The following RAB11FIP3 variants were observed in gnomAD, a reference collection of about 807,000 sequenced individuals.
RAB11FIP3 encodes RAB11 family interacting protein 3, also known as rab11 family-interacting protein 3.
A neutral mutation model predicts 77.8 loss-of-function variants in RAB11FIP3; 17 were observed. The observed-to-expected ratio is 0.22, with a 90% confidence interval of 0.15 to 0.33. RAB11FIP3 has a LOEUF of 0.33. Among genes scored for constraint, RAB11FIP3 ranks in the 10% least tolerant of loss-of-function variants. The probability of loss-of-function intolerance (pLI) is 1.00; values close to 1 mark genes in which losing one functional copy is unlikely to be tolerated. For missense variants in RAB11FIP3, 1,005 were observed against 1,011.2 expected (o/e 0.99, Z 0.08); for synonymous variants, 437 against 448.2 (o/e 0.98, Z 0.31).
intron 1 of RAB11FIP3, among the ~76,000 whole-genome samples, chr16:445,006 C>T (rs528980490): frequency 1.4e-5 from 2 of 145,698 alleles, no homozygotes; most frequent in African/African-American, 2.6e-5. Context: ...CCCAGCTACT[C>T]GGGAGGCTGA....
chr16:506,092 G>A lies in RAB11FIP3; in HGVS notation c.1499+465G>A, dbSNP rs905152428. Among the ~76,000 whole-genome samples, 5 of 152,240 alleles carry A rather than the reference G, an allele frequency of 3.3e-5. No individual in the cohort carries two copies. Among genetic ancestry groups the A allele is most frequent in the East Asian group, 3.8e-4 (2 of 5,204 alleles). ...GTGACTGCTGAGTACGCGACAGGAC[G>A]CGCAGTCTCATCGCTGTGGGCAGGA... On this transcript the variant is annotated intron_variant, in intron 8 of 13. Transcript: ENST00000262305. The surrounding 1 kb of genome is among the most constrained non-coding windows in gnomAD (Gnocchi z 4.5).
intron 7 of RAB11FIP3, among the ~76,000 whole-genome samples, chr16:503,730 G>C (rs934695899): frequency 6.6e-6 from 1 of 151,964 alleles, no homozygotes; most frequent in Non-Finnish European, 1.5e-5. Flanking sequence ...AAATACAAAA[G>C]TTAGCCACGC....
Position 514,167 on chromosome 16 carries a change from C to T in RAB11FIP3, c.1640+3367C>T, listed in dbSNP as rs774985489. Among the ~76,000 whole-genome samples, 8 of 152,106 alleles carry T rather than the reference C, an allele frequency of 5.3e-5. No individual in the cohort carries two copies. Among genetic ancestry groups the T allele is most frequent in the Non-Finnish European group, 1.0e-4 (7 of 68,038 alleles). ...GTCAGTGCCACCGTGTTCTGGGCCT[C>T]CTGCAGCTTCCTGGAGTGGCCACCA... On this transcript the variant is annotated intron_variant, in intron 9 of 13. Coordinates refer to ENST00000262305, the MANE Select transcript of RAB11FIP3 (RefSeq NM_014700.4). This position sits in a 1 kb window ranked among gnomAD's most constrained non-coding sequence, Gnocchi z 4.6.
At chr16:467,393 C>T (rs1351592343) in intron 2 of RAB11FIP3, among the ~76,000 whole-genome samples, 2 of 150,672 alleles carry the variant, frequency 1.3e-5, no homozygotes, top group Non-Finnish European at 2.9e-5. Context: ...GTGGAGTGGG[C>T]GTCAGGGAGG....
chr16:489,329 G>A (rs2029963514), intron 5 of RAB11FIP3, among the ~76,000 whole-genome samples: 1 of 152,200 alleles, frequency 6.6e-6, no homozygotes, highest in Non-Finnish European at 1.5e-5. Context: ...AGGCTTTTGA[G>A]GGAGGCCTCA....
chr16:438,353 A>T (rs1246287004), intron 1 of RAB11FIP3, among the ~76,000 whole-genome samples: 1 of 141,112 alleles, frequency 7.1e-6, no homozygotes, highest in Non-Finnish European at 1.5e-5. Flanking sequence ...TGATCTGCCC[A>T]CCTCGGCCTC....
chr16:436,703 C>T (rs1368351221), intron 1 of RAB11FIP3, among the ~76,000 whole-genome samples: 2 of 151,984 alleles, frequency 1.3e-5, no homozygotes, highest in African/African-American at 4.8e-5. Context: ...CTGCTAAGCT[C>T]AAAGGATCTG....
At chr16:487,965 G>T (rs1417818098) in intron 4 of RAB11FIP3, among the ~76,000 whole-genome samples, 1 of 152,200 alleles carries the variant, frequency 6.6e-6, no homozygotes, top group Non-Finnish European at 1.5e-5. Context: ...GCTTTGTGTC[G>T]ACCTGTGCTG....
Position 520,229 on chromosome 16 carries a change from C to T in RAB11FIP3, c.1968C>T (p.Ser656=), listed in dbSNP as rs2032618303. The T allele has an allele frequency of 1.3e-6, 2 of 1,545,736 alleles. No homozygotes were observed. Residue 656 remains serine, a synonymous_variant, in exon 12 of 14, where the codon AGC becomes AGT. Coordinates refer to ENST00000262305, the MANE Select transcript of RAB11FIP3 (RefSeq NM_014700.4). ...GCATGGGCCTGCAGGAGTACCACAG[C>T]CGCGCCCGGGAGAGCGAGCTGGAGC... The part of the protein sequence containing the change: ...SSSMGLQEYH[S]RARESELEQE...
At chr16:509,096 G>T (rs1398381398) in intron 8 of RAB11FIP3, among the ~76,000 whole-genome samples, 3 of 152,038 alleles carry the variant, frequency 2.0e-5, no homozygotes, top group South Asian at 2.1e-4. Context: ...TAGATTCAGG[G>T]TTTCACCATA....
In RAB11FIP3 at chr16:503,441, C is replaced by T. The variant is rs556741213; in HGVS notation, c.1395+344C>T. Among the ~76,000 whole-genome samples the T allele has an allele frequency of 2.4e-3, 360 of 152,224 alleles. 7 individuals are homozygous for T. Among genetic ancestry groups the T allele is most frequent in the African/African-American group, 8.3e-3 (345 of 41,526 alleles). ...ATTCAGTCCACCAGGCCCATGGAGACGCGACCTGGGGCACCCATGATTTGG... is the reference window on the plus strand; with the variant it reads ...ATTCAGTCCACCAGGCCCATGGAGATGCGACCTGGGGCACCCATGATTTGG... On this transcript the variant is annotated intron_variant, in intron 7 of 13. Coordinates refer to ENST00000262305, the MANE Select transcript of RAB11FIP3 (RefSeq NM_014700.4).
At chr16:441,524 G>A (rs1310862108) in intron 1 of RAB11FIP3, among the ~76,000 whole-genome samples, 3 of 152,186 alleles carry the variant, frequency 2.0e-5, no homozygotes, top group Non-Finnish European at 2.9e-5. Context: ...ATTATTTGAA[G>A]TATCCTGTAA....
At chr16:475,865 A>T (rs549152654) in intron 3 of RAB11FIP3, among the ~76,000 whole-genome samples, 1,551 of 151,558 alleles carry the variant, frequency 0.01, 33 homozygotes, top group African/African-American at 0.036. Flanking sequence ...TATTTTTTAA[A>T]TTGTTTTTTG....
At chr16:429,125 G>C (rs923048823) in intron 1 of RAB11FIP3, among the ~76,000 whole-genome samples, 2 of 152,244 alleles carry the variant, frequency 1.3e-5, no homozygotes, top group African/African-American at 4.8e-5. Context: ...TTTGGCAACA[G>C]ATAATTTACA....
In RAB11FIP3 at chr16:523,002, A is replaced by G. The variant is rs1482730911; in HGVS notation, c.*2163A>G. Reference sequence around the variant, plus strand: ...AGGCCCCATCTCTAAAAAATAAAAAATTAACCAGGCATTGTGGTGCGCACC... The same window carrying G: ...AGGCCCCATCTCTAAAAAATAAAAAGTTAACCAGGCATTGTGGTGCGCACC... On this transcript the variant is annotated 3_prime_UTR_variant, in exon 14 of 14. Transcript: ENST00000262305. 2 of 152,368 alleles carry G rather than the reference A, an allele frequency of 1.3e-5. No individual in the cohort carries two copies. Among genetic ancestry groups the G allele is most frequent in the Non-Finnish European group, 2.9e-5 (2 of 68,144 alleles). 9.4% of individuals were successfully genotyped at this position (152,368 alleles called of 1,614,324 possible).
chr16:491,011 C>G, intron 5 of RAB11FIP3: 1 of 891,596 alleles, frequency 1.1e-6, no homozygotes, highest in Non-Finnish European at 1.5e-6. Context: ...ACAGCTCATT[C>G]TCTCTCCACG....
chr16:443,590 G>C (rs2055261059), intron 1 of RAB11FIP3, among the ~76,000 whole-genome samples: 1 of 152,154 alleles, frequency 6.6e-6, no homozygotes, highest in South Asian at 2.1e-4. Flanking sequence ...TGTTGAGAGG[G>C]AGTCTCGCTC....
At chr16:503,367 G>A (rs1470653078) in intron 7 of RAB11FIP3, among the ~76,000 whole-genome samples, 3 of 152,168 alleles carry the variant, frequency 2.0e-5, no homozygotes, top group East Asian at 1.9e-4. Flanking sequence ...GAGCACCCTC[G>A]GGTATCCCAC....
At chr16:502,858 A>G in intron 6 of RAB11FIP3, 146 bp from the exon 7 acceptor site, 1 of 691,566 alleles carries the variant, frequency 1.4e-6, no homozygotes, top group South Asian at 1.6e-5. Context: ...TTTAAGTGGG[A>G]GAAGACCACC....
Sources: gnomAD v4.1 joint callset for allele counts (sites outside exome capture counted in the v4.1 genomes callset) on GRCh38, gnomAD v4.1.1 for gene constraint, Gnocchi (gnomAD v3.1) non-coding constraint, MANE v1.5 for transcripts, NCBI Gene and HGNC (gene_info 2026-07-23, HGNC 2026-07-21) for gene names.